The following EBF1 variants were observed in gnomAD, a reference collection of about 807,000 sequenced individuals.
EBF1 encodes transcription factor COE1.
In EBF1, 10 loss-of-function variants were observed where a neutral mutation model predicts 68.4. The ratio of observed to expected loss-of-function variants is 0.15; its 90% CI spans 0.09 to 0.25. The LOEUF (loss-of-function observed/expected upper bound fraction) is 0.25, where lower values mean the gene tolerates loss of function less well. Among genes scored for constraint, EBF1 ranks in the 10% least tolerant of loss-of-function variants. The pLI is 1.00. For missense variants in EBF1, 509 were observed against 794.4 expected (o/e 0.64, Z 4.32); for synonymous variants, 298 against 299.8 (o/e 0.99, Z 0.06).
intron 4 of EBF1, among the ~76,000 whole-genome samples, chr5:159,087,250 C>T (rs1780801346): frequency 6.8e-6 from 1 of 146,776 alleles, no homozygotes; most frequent in African/African-American, 2.5e-5. Context: ...TGGGGCTTTC[C>T]CTAATATATA....
chr5:158,728,847 G>A (rs1763509613), intron 11 of EBF1, among the ~76,000 whole-genome samples: 1 of 152,198 alleles, frequency 6.6e-6, no homozygotes, highest in Non-Finnish European at 1.5e-5. Context: ...TTACCAGCAT[G>A]AGCCACTGCT....
At position 158,705,020 on chromosome 5, in the gene EBF1, T is replaced by C. The variant is rs535205857; in HGVS notation, c.1744+2959A>G. Reference sequence around the variant, plus strand: ...TTTCTTTCTGTCTTTCTTTTTGAAATAGTCTTGCTCTGGAGTGCAGTGGCA... The same window carrying C: ...TTTCTTTCTGTCTTTCTTTTTGAAACAGTCTTGCTCTGGAGTGCAGTGGCA... On this transcript the variant is annotated intron_variant, in intron 15 of 15. Transcript: ENST00000313708. Among the ~76,000 whole-genome samples the C allele has an allele frequency of 2.6e-5, 4 of 152,330 alleles. No individual in the cohort carries two copies. The South Asian group carries it at 6.2e-4, about 24-fold the overall frequency.
chr5:158,799,106 T>C (rs1780107134), intron 8 of EBF1, among the ~76,000 whole-genome samples: 1 of 151,948 alleles, frequency 6.6e-6, no homozygotes, highest in Admixed American at 6.6e-5. Context: ...AGAGAGAGGA[T>C]GAGGAGGGGA....
intron 6 of EBF1, among the ~76,000 whole-genome samples, chr5:158,862,683 T>C (rs779391963): frequency 1.3e-5 from 2 of 152,076 alleles, no homozygotes; most frequent in Non-Finnish European, 2.9e-5. Flanking sequence ...GAGAGAAAGC[T>C]CATTTTTTAA....
intron 9 of EBF1, among the ~76,000 whole-genome samples, chr5:158,788,241 TA>T (rs1581891112): frequency 1.3e-5 from 2 of 152,106 alleles, no homozygotes; most frequent in Non-Finnish European, 2.9e-5. Context: ...CATAAGAATT[TA>T]GACAGAAGAG....
intron 9 of EBF1, among the ~76,000 whole-genome samples, chr5:158,780,809 T>C (rs1182853893): frequency 1.3e-5 from 2 of 152,178 alleles, no homozygotes; most frequent in African/African-American, 4.8e-5. Context: ...AAAAGGAGAC[T>C]AACTTTCTCA....
chr5:158,781,509 T>TC (rs1776447265), intron 9 of EBF1, among the ~76,000 whole-genome samples: 1 of 152,120 alleles, frequency 6.6e-6, no homozygotes, highest in African/African-American at 2.4e-5. Flanking sequence ...TAACAGAATC[T>TC]CCCCAAATAA....
chr5:158,883,329 T>C (rs772832833), intron 6 of EBF1, among the ~76,000 whole-genome samples: 11 of 140,824 alleles, frequency 7.8e-5, no homozygotes, highest in African/African-American at 2.7e-4. Flanking sequence ...TGTATATATA[T>C]ACACACACAT....
rs937434678 is a variant in EBF1, at chr5:158,982,580, T to A, written c.554+90816A>T. 3.3e-5 allele frequency among the ~76,000 whole-genome samples: 5 copies of A among 152,212 alleles called. No individual in the cohort carries two copies. The East Asian group carries it at 5.8e-4, about 18-fold the overall frequency. ...ACTTGATAAATATTTGTTGAATAGA[T>A]GAATTAATAACAAAATAAAAATCCC... On this transcript the variant is annotated intron_variant, in intron 6 of 15. Coordinates refer to ENST00000313708, the MANE Select transcript of EBF1 (RefSeq NM_024007.5).
intron 6 of EBF1, among the ~76,000 whole-genome samples, chr5:159,038,674 C>A (rs1478976120): frequency 6.6e-6 from 1 of 151,476 alleles, no homozygotes; most frequent in Non-Finnish European, 1.5e-5. Flanking sequence ...TAGTGCTGAT[C>A]ACCTCATAAT....
intron 5 of EBF1, among the ~76,000 whole-genome samples, chr5:159,081,505 T>C (rs567330574): frequency 6.6e-6 from 1 of 152,364 alleles, no homozygotes; most frequent in Admixed American, 6.5e-5. Context: ...GACCACTGTT[T>C]ACAGGACAAC....
intron 6 of EBF1, among the ~76,000 whole-genome samples, chr5:158,891,594 G>C (rs912606701): frequency 6.6e-6 from 1 of 152,048 alleles, no homozygotes; most frequent in Non-Finnish European, 1.5e-5. Flanking sequence ...TTCCTTCTTA[G>C]AGCCAGCTAG....
chr5:158,736,528 T>G (rs528506420), intron 10 of EBF1, among the ~76,000 whole-genome samples: 1 of 152,342 alleles, frequency 6.6e-6, no homozygotes, highest in South Asian at 2.1e-4. Flanking sequence ...AATATTAATA[T>G]TCTATTGCCA....
intron 8 of EBF1, among the ~76,000 whole-genome samples, chr5:158,798,281 G>A (rs1174118746): frequency 3.3e-5 from 5 of 152,170 alleles, no homozygotes; most frequent in African/African-American, 1.2e-4. Flanking sequence ...GGTCTTGAGA[G>A]TCCTGACTGA....
rs115288367 is a variant in EBF1 at position 158,876,359 on chromosome 5, C to T, written c.555-36249G>A. ...TCATGTATCTCTACCCTCAATCCCA[C>T]GACCCCTTTTCCCTCTAGTGTACTC... On this transcript the variant is annotated intron_variant, in intron 6 of 15. Coordinates refer to ENST00000313708, the MANE Select transcript of EBF1 (RefSeq NM_024007.5). Among the ~76,000 whole-genome samples, 933 of 152,260 alleles carry T rather than the reference C, an allele frequency of 6.1e-3. 15 individuals are homozygous for T. The highest frequency in any genetic ancestry group is 0.021 in the African/African-American group (863 of 41,540).
chr5:158,932,611 G>A (rs1194370324), intron 6 of EBF1, among the ~76,000 whole-genome samples: 1 of 152,046 alleles, frequency 6.6e-6, no homozygotes, highest in Non-Finnish European at 1.5e-5. Context: ...AATATACCCA[G>A]ATGTTATTAG....
intron 10 of EBF1, among the ~76,000 whole-genome samples, chr5:158,774,000 C>T (rs1044770747): frequency 2.6e-5 from 4 of 152,260 alleles, no homozygotes; most frequent in African/African-American, 9.6e-5. Flanking sequence ...TCTTAGAAAA[C>T]ATTTATTGAA....
intron 6 of EBF1, among the ~76,000 whole-genome samples, chr5:158,861,770 C>T (rs1412897777): frequency 3.3e-5 from 5 of 151,968 alleles, no homozygotes; most frequent in South Asian, 4.2e-4. Flanking sequence ...CATAGAGACA[C>T]CTCTTTAAAA....
At chr5:158,907,245 A>G (rs561158461) in intron 6 of EBF1, among the ~76,000 whole-genome samples, 2 of 152,324 alleles carry the variant, frequency 1.3e-5, no homozygotes, top group Admixed American at 6.5e-5. Flanking sequence ...GGAGGGAAGT[A>G]TTGTGCACAG....
Sources: allele counts gnomAD v4.1 joint callset (sites outside exome capture counted in the v4.1 genomes callset), GRCh38; gene constraint gnomAD v4.1.1; transcripts MANE v1.5; gene names NCBI Gene and HGNC (gene_info 2026-07-23, HGNC 2026-07-21).